Variants in HLTF observed in about 807,000 individuals in gnomAD.
HLTF encodes helicase like transcription factor.
Under a neutral mutation model 129.4 loss-of-function variants are expected in HLTF, and 127 were observed. The ratio of observed to expected loss-of-function variants is 0.98; its 90% confidence interval spans 0.85 to 1.14. The LOEUF (loss-of-function observed/expected upper bound fraction) is 1.14. HLTF is among the 50% of genes most tolerant of loss of function. The pLI is 0.00. For synonymous variants in HLTF, 332 were observed against 388.8 expected (o/e 0.85, Z 1.72); for missense variants, 1,139 against 1,187.1 (o/e 0.96, Z 0.60).
At chr3:149,065,809 A>G (rs1718329129) in intron 8 of HLTF, among the ~76,000 whole-genome samples, 1 of 152,172 alleles carries the variant, frequency 6.6e-6, no homozygotes, top group Non-Finnish European at 1.5e-5. Context: ...CCTCTGTCTC[A>G]AAAAATAAAA....
intron 22 of HLTF, 78 bp downstream of exon 22, chr3:149,039,503 G>GT (rs373823328): frequency 0.14 from 74,431 of 526,612 alleles, 168 homozygotes; most frequent in East Asian, 0.18. Context: ...AACAAATTAA[G>GT]TTTTTTTTTT....
At chr3:149,040,548 C>T (rs753945365) in intron 20 of HLTF, among the ~76,000 whole-genome samples, 2 of 151,802 alleles carry the variant, frequency 1.3e-5, no homozygotes, top group Non-Finnish European at 2.9e-5. Flanking sequence ...AGCTATTAAG[C>T]TTATAAAGCT....
intron 2 of HLTF, among the ~76,000 whole-genome samples, chr3:149,081,502 A>C (rs192731163): frequency 0.013 from 2,016 of 152,270 alleles, 28 homozygotes; most frequent in Non-Finnish European, 0.021. Context: ...TATTAAGCCA[A>C]GAAACACAAT....
chr3:149,071,430 G>A lies in HLTF; in HGVS notation c.716C>T (p.Pro239Leu), dbSNP rs1422892538. The A allele has an allele frequency of 1.2e-6, 2 of 1,611,742 alleles. No homozygotes were observed. The highest frequency in any genetic ancestry group is 1.3e-5 in the African/African-American group (1 of 74,814). Reference sequence around the variant, plus strand: ...AGCTTGTTTTTGATGTGGAAGCAGTGGTGTTTCAATAGCCTATAAATAAAA... The same window carrying A: ...AGCTTGTTTTTGATGTGGAAGCAGTAGTGTTTCAATAGCCTATAAATAAAA... ...EMEPAEAIET[P>L]LLPHQKQALA... is the part of the protein sequence containing the mutation. Residue 239 changes from proline to leucine, a missense_variant, in exon 7 of 25, where the codon CCA (proline) becomes CTA (leucine). Transcript: ENST00000310053.
At chr3:149,085,584 GA>G (rs112092174) in intron 1 of HLTF, among the ~76,000 whole-genome samples, 102 of 151,988 alleles carry the variant, frequency 6.7e-4, no homozygotes, top group African/African-American at 2.3e-3. Context: ...TAATGTACCA[GA>G]AGTTGTTTAT....
rs775857943 is a variant in HLTF, at chr3:149,039,596, A to G, written c.2600T>C (p.Ile867Thr). The G allele has an allele frequency of 2.6e-6, 4 of 1,527,734 alleles. No homozygotes were observed. The highest frequency in any genetic ancestry group is 3.6e-5 in the Admixed American group (2 of 56,046). The allele number at this position is 1,527,734 out of a possible 1,614,324, so 94.6% of individuals were successfully genotyped here. A position where few individuals can be genotyped will look rare whatever the true frequency, so the allele number is the denominator to read the frequency against. ...VSQFTTFLSL[I>T]EIPLKASGFV... is the part of the protein sequence containing the mutation. ...TGGAACTTACTTAAGTGGTATTTCT[A>G]TTAAAGACAGGAATGTTGTAAACTG... is the stretch of plus-strand genomic sequence containing the variant. Residue 867 changes from isoleucine to threonine, a missense_variant, in exon 22 of 25, where the codon ATA (isoleucine) becomes ACA (threonine). By Grantham distance (89) the Ile-to-Thr change is moderately conservative. Transcript: ENST00000310053.
rs142454558 is a variant in HLTF at position 149,071,625 on chromosome 3, A to G, written c.660T>C (p.Asp220=). The G allele has an allele frequency of 6.3e-6, 10 of 1,595,626 alleles. No homozygotes were observed. In the East Asian group the frequency reaches 2.0e-4, roughly 32 times the overall value. Residue 220 remains aspartate (D), a synonymous_variant, in exon 6 of 25, where the codon GAT becomes GAC. Coordinates refer to ENST00000310053, the MANE Select transcript of HLTF (RefSeq NM_003071.4). ...CATGGGTTTTATCATCTTCTTTTAA[A>G]TCTTCAAACAATTTGTCAAATTCTG... ...LKTEFDKLFE[D]LKEDDKTHEM... is the part of the protein sequence containing the mutation.
chr3:149,059,278 T>C (rs1040548110), intron 13 of HLTF: 1 of 269,658 alleles, frequency 3.7e-6, no homozygotes, highest in South Asian at 3.9e-5. Context: ...ATCTCAAATA[T>C]TTAGTCTCTT....
chr3:149,083,115 AT>A (rs528627139), intron 2 of HLTF, among the ~76,000 whole-genome samples: 82 of 152,160 alleles, frequency 5.4e-4, no homozygotes, highest in African/African-American at 1.8e-3. Context: ...GCTGGGCATG[AT>A]GGCGCATGCC....
rs908767436 is a variant in HLTF, at chr3:149,084,583, A to C, written c.228+99T>G. ...ACAAATATTTAACTAACTTAAAGTA[A>C]AATAAAGATTAACCGCACACATCAC... is the stretch of plus-strand genomic sequence containing the variant. On this transcript the variant is annotated intron_variant, in intron 2 of 24. Transcript: ENST00000310053. 12 of 852,726 alleles carry C rather than the reference A, an allele frequency of 1.4e-5. No homozygotes were observed. The African/African-American group carries it at 1.6e-4, about 11-fold the overall frequency. 52.8% of individuals were successfully genotyped at this position (852,726 alleles called of 1,614,324 possible). A position where few individuals can be genotyped will look rare whatever the true frequency, so the allele number is the denominator to read the frequency against.
chr3:149,060,716 A>T (rs756570321), intron 11 of HLTF, 29 bp from the exon 12 acceptor site: 4 of 1,610,778 alleles, frequency 2.5e-6, no homozygotes, highest in South Asian at 1.1e-5. Flanking sequence ...TAAACATAAA[A>T]ATGGGCAAAA....
rs1025203822 is a variant in HLTF at position 149,064,204 on chromosome 3, C to A, written c.1066+587G>T. Among the ~76,000 whole-genome samples, 4 of 152,038 alleles carry A rather than the reference C, an allele frequency of 2.6e-5. No homozygotes were observed. In the South Asian group the frequency reaches 8.3e-4, roughly 32 times the overall value. On this transcript the variant is annotated intron_variant, in intron 9 of 24. Transcript: ENST00000310053. ...AGAACAAAATCAAAAACAAAAAAAA[C>A]CTCATCTTACCCTAACTCGCCACCT...
At chr3:149,084,507 C>T (rs947821994) in intron 2 of HLTF, among the ~76,000 whole-genome samples, 175 bp downstream of exon 2, 7 of 152,134 alleles carry the variant, frequency 4.6e-5, no homozygotes, top group African/African-American at 1.7e-4. Flanking sequence ...TCCCAACACT[C>T]TGGGAGGCTG....
In HLTF at chr3:149,040,921, C is replaced by T. The variant is rs138196743; in HGVS notation, c.2376+569G>A. 1.9e-3 allele frequency among the ~76,000 whole-genome samples: 283 copies of T among 152,226 alleles called. 1 individual carries two copies. The highest frequency in any genetic ancestry group is 3.7e-3 in the Non-Finnish European group (252 of 68,002). On this transcript the variant is annotated intron_variant, in intron 20 of 24. Transcript: ENST00000310053. The stretch of plus-strand genomic sequence containing the variant: ...AATGTTTAAAAAAATTCTACCCCAG[C>T]TGAATGACTGCTTAACAGACTAGTC...
At chr3:149,032,892 G>A (rs1485561319) in intron 24 of HLTF, among the ~76,000 whole-genome samples, 1 of 151,526 alleles carries the variant, frequency 6.6e-6, no homozygotes, top group Non-Finnish European at 1.5e-5. Flanking sequence ...GAACCCGGGA[G>A]GCGGAGCTTG....
intron 14 of HLTF, among the ~76,000 whole-genome samples, chr3:149,051,142 TG>T (rs1301380766): frequency 6.6e-6 from 1 of 150,556 alleles, no homozygotes; most frequent in Admixed American, 6.6e-5. Context: ...TGGGGACTAA[TG>T]AAATATGAAA....
At chr3:149,072,204 G>A (rs1322442353) in intron 5 of HLTF, among the ~76,000 whole-genome samples, 1 of 152,188 alleles carries the variant, frequency 6.6e-6, no homozygotes, top group Non-Finnish European at 1.5e-5. Flanking sequence ...GAATATAAAA[G>A]AATTTTAAGT....
intron 21 of HLTF, 50 bp downstream of exon 21, chr3:149,039,981 T>C (rs1553737649): frequency 1.3e-6 from 2 of 1,512,024 alleles, no homozygotes; most frequent in South Asian, 1.2e-5. Flanking sequence ...GTATATTTCC[T>C]TATATAAAGG....
At chr3:149,064,943 G>T (rs960997086) in intron 8 of HLTF, 77 bp from the exon 9 acceptor site, 22 of 788,098 alleles carry the variant, frequency 2.8e-5, no homozygotes, top group Non-Finnish European at 3.9e-5. Context: ...GTTTTATATT[G>T]CTTTACTTTG....
Sources: allele counts gnomAD v4.1 joint callset (sites outside exome capture counted in the v4.1 genomes callset), GRCh38; gene constraint gnomAD v4.1.1; transcripts MANE v1.5; gene names NCBI Gene and HGNC (gene_info 2026-07-23, HGNC 2026-07-21).